FMO1: variants seen among roughly 807,000 people sequenced by gnomAD.
FMO1 encodes the protein flavin-containing monooxygenase 1.
Under a neutral mutation model 45.4 loss-of-function variants are expected in FMO1, and 36 were observed. The ratio of observed to expected loss-of-function variants is 0.79; its 90% CI spans 0.61 to 1.05. The LOEUF is 1.05. FMO1 is among the 50% of genes least tolerant of loss of function. FMO1 has a pLI of 0.00. For synonymous variants in FMO1, 228 were observed against 227.2 expected (o/e 1.00, Z -0.03); for missense variants, 615 against 640.3 (o/e 0.96, Z 0.43).
chr1:171,273,238 A>T (rs1176014433), intron 3 of FMO1, among the ~76,000 whole-genome samples: 1 of 152,196 alleles, frequency 6.6e-6, no homozygotes, highest in Admixed American at 6.5e-5. Flanking sequence ...CCCCAGCCAC[A>T]TGGAACTGTG....
intron 3 of FMO1, among the ~76,000 whole-genome samples, chr1:171,273,330 C>T (rs915606271): frequency 2.6e-5 from 4 of 152,198 alleles, no homozygotes; most frequent in African/African-American, 9.7e-5. Flanking sequence ...TGGACTAATA[C>T]ATCCTCCTAA....
chr1:171,254,342 G>A (rs1002833373), intron 1 of FMO1, among the ~76,000 whole-genome samples: 8 of 152,152 alleles, frequency 5.3e-5, no homozygotes, highest in South Asian at 2.1e-4. Flanking sequence ...TGCCCATCTC[G>A]TCCTCCCAAA....
chr1:171,254,712 G>A (rs906488676), intron 1 of FMO1, among the ~76,000 whole-genome samples: 5 of 152,098 alleles, frequency 3.3e-5, no homozygotes, highest in Non-Finnish European at 7.4e-5. Flanking sequence ...ACCACCTCCA[G>A]CCCCTACTCT....
At chr1:171,282,542 A>AT (rs966295289) in intron 7 of FMO1, 41 of 312,146 alleles carry the variant, frequency 1.3e-4, no homozygotes, top group Middle Eastern at 8.1e-4. Context: ...AAATATATAT[A>AT]TTTTTTTGAT....
intron 3 of FMO1, chr1:171,270,994 T>A: frequency 1.1e-6 from 1 of 938,514 alleles, no homozygotes. Context: ...ATCTACCTCC[T>A]CATCATAATC....
intron 3 of FMO1, among the ~76,000 whole-genome samples, chr1:171,269,170 T>C (rs1660745011): frequency 6.6e-6 from 1 of 152,040 alleles, no homozygotes; most frequent in African/African-American, 2.4e-5. Context: ...ATCAATACAG[T>C]AAATTGGTAC....
chr1:171,282,856 AT>A, intron 7 of FMO1: 1 of 334,882 alleles, frequency 3.0e-6, no homozygotes, highest in East Asian at 6.4e-5. Flanking sequence ...CTCAATTAAA[AT>A]TTTTAAACTC....
Position 171,255,127 on chromosome 1 carries a change from T to G in FMO1, c.-6-2955T>G, listed in dbSNP as rs528970823. Among the ~76,000 whole-genome samples, 28 of 152,350 alleles carry G rather than the reference T, an allele frequency of 1.8e-4. 1 individual carries two copies. In the South Asian group the frequency reaches 5.8e-3, roughly 32 times the overall value. Reference sequence around the variant, plus strand: ...ATAGAATGTTATAGGGCATTTCGTTTCACCCTCTATATAATGTGTTAATCT... The same window carrying G: ...ATAGAATGTTATAGGGCATTTCGTTGCACCCTCTATATAATGTGTTAATCT... On this transcript the variant is annotated intron_variant, in intron 1 of 8. Coordinates refer to ENST00000617670, the MANE Select transcript of FMO1 (RefSeq NM_001282693.2).
chr1:171,249,981 T>C (rs1367225618), intron 1 of FMO1, among the ~76,000 whole-genome samples: 1 of 152,198 alleles, frequency 6.6e-6, no homozygotes, highest in Non-Finnish European at 1.5e-5. Flanking sequence ...TTCAACTTTC[T>C]AGGTTCAAGG....
Position 171,282,096 on chromosome 1 carries a change from A to G in FMO1, c.946A>G (p.Thr316Ala). The change falls in exon 7 of 9, where the codon ACT (threonine) becomes GCT (alanine). Residue 316 changes from threonine (T) to alanine (A), a missense_variant. Physicochemically the swap from Thr to Ala is moderately conservative, Grantham distance 58 (BLOSUM62 0). Transcript: ENST00000617670. ...VKENSVIFNNTSKEEPIDIIV... is the reference protein window; with the variant it reads ...VKENSVIFNNASKEEPIDIIV... The stretch of plus-strand genomic sequence containing the variant: ...GGAAAACTCTGTCATATTTAACAAT[A>G]CTTCAAAGGAAGAGCCTATTGACAT... The G allele has an allele frequency of 1.2e-6, 2 of 1,613,904 alleles. No individual in the cohort carries two copies. The highest frequency in any genetic ancestry group is 3.3e-5 in the Admixed American group (2 of 60,000).
chr1:171,284,879 A>G (rs1661556085), intron 8 of FMO1, among the ~76,000 whole-genome samples: 1 of 152,080 alleles, frequency 6.6e-6, no homozygotes, highest in Non-Finnish European at 1.5e-5. Context: ...GTTATTACTG[A>G]ATAATGGAAT....
chr1:171,269,211 C>A (rs1199782008), intron 3 of FMO1, among the ~76,000 whole-genome samples: 1 of 151,950 alleles, frequency 6.6e-6, no homozygotes, highest in Non-Finnish European at 1.5e-5. Context: ...GAAAAGATAT[C>A]AAAAAATGTA....
intron 2 of FMO1, among the ~76,000 whole-genome samples, chr1:171,260,791 A>C (rs752557383): frequency 1.3e-5 from 2 of 151,190 alleles, no homozygotes; most frequent in African/African-American, 4.9e-5. Context: ...TTAGCCAGGC[A>C]TGGTGGCATG....
chr1:171,263,515 T>C (rs973693424), intron 2 of FMO1, among the ~76,000 whole-genome samples: 12 of 152,110 alleles, frequency 7.9e-5, no homozygotes, highest in African/African-American at 2.4e-4. Context: ...TCCCAGCAAG[T>C]GTCCCAGTGG....
At position 171,282,101 on chromosome 1, in the gene FMO1, A is replaced by C; in HGVS notation, c.951A>C (p.Ser317=). 1 of 1,613,934 alleles carries C rather than the reference A, an allele frequency of 6.2e-7. No individual in the cohort carries two copies. Among genetic ancestry groups the C allele is most frequent in the South Asian group, 1.1e-5 (1 of 91,080 alleles). ...KENSVIFNNT[S]KEEPIDIIVF... ...ACTCTGTCATATTTAACAATACTTCAAAGGAAGAGCCTATTGACATCATTG... is the reference window on the plus strand; with the variant it reads ...ACTCTGTCATATTTAACAATACTTCCAAGGAAGAGCCTATTGACATCATTG... Residue 317 remains serine, a synonymous_variant, in exon 7 of 9, where the codon TCA becomes TCC. Coordinates refer to ENST00000617670, the MANE Select transcript of FMO1 (RefSeq NM_001282693.2).
At position 171,282,214 on chromosome 1, in the gene FMO1, A is replaced by G. The variant is rs377344826; in HGVS notation, c.1064A>G (p.Tyr355Cys). The change falls in exon 7 of 9, where the codon TAT (tyrosine) becomes TGT (cysteine). Residue 355 changes from tyrosine to cysteine, a missense_variant. By Grantham distance (194) the Tyr-to-Cys change is radical (BLOSUM62 -2). Coordinates refer to ENST00000617670, the MANE Select transcript of FMO1 (RefSeq NM_001282693.2). ...GATGGCCAGGCCTCACTGTACAAGT[A>G]TATCTTCCCTGCACATCTGCAAAAG... Reference protein sequence around the residue: ...VEDGQASLYKYIFPAHLQKPT... With the variant: ...VEDGQASLYKCIFPAHLQKPT... 6.2e-7 allele frequency: 1 copy of G among 1,613,924 alleles called. No homozygotes were observed.
rs1366713820 is a variant in FMO1, at chr1:171,278,791, A to G, written c.547A>G (p.Lys183Glu). ...GCAATATAAGCATCCAGATATATTTAAGGACAAGAGAGTCCTTGTGATTGG... is the reference window on the plus strand; with the variant it reads ...GCAATATAAGCATCCAGATATATTTGAGGACAAGAGAGTCCTTGTGATTGG... ...SRQYKHPDIFKDKRVLVIGMG... is the reference protein window; with the variant it reads ...SRQYKHPDIFEDKRVLVIGMG... The change falls in exon 5 of 9, where the codon AAG becomes GAG. Residue 183 changes from lysine to glutamate, a missense_variant. By Grantham distance (56) the Lys-to-Glu change is moderately conservative. Transcript: ENST00000617670. 1.2e-6 allele frequency: 2 copies of G among 1,612,830 alleles called. No individual in the cohort carries two copies. The highest frequency in any genetic ancestry group is 1.7e-6 in the Non-Finnish European group (2 of 1,178,990).
chr1:171,248,958 G>A (rs1659752359), intron 1 of FMO1, among the ~76,000 whole-genome samples: 1 of 126,692 alleles, frequency 7.9e-6, no homozygotes, highest in South Asian at 3.1e-4. Context: ...TCTAATGCAA[G>A]AGGAAAAGTC....
chr1:171,260,054 G>T (rs538341330), intron 2 of FMO1, among the ~76,000 whole-genome samples: 1 of 152,198 alleles, frequency 6.6e-6, no homozygotes, highest in Non-Finnish European at 1.5e-5. Context: ...TCAACAGGTA[G>T]ACAAGATTGA....
Sources: gnomAD v4.1 joint callset for allele counts (sites outside exome capture counted in the v4.1 genomes callset) on GRCh38, gnomAD v4.1.1 for gene constraint, MANE v1.5 for transcripts, NCBI Gene and HGNC (gene_info 2026-07-23, HGNC 2026-07-21) for gene names.